ZNF385B: variants seen among roughly 807,000 people sequenced by gnomAD.
ZNF385B encodes the protein zinc finger protein 533.
In ZNF385B, 23 loss-of-function variants were observed where a neutral mutation model predicts 39.2. The observed-to-expected ratio is 0.59, with a 90% confidence interval of 0.42 to 0.83. ZNF385B has a LOEUF of 0.83. Ranked by LOEUF, ZNF385B falls within the 40% of genes least tolerant of loss-of-function variation. ZNF385B has a pLI of 0.00. For missense variants in ZNF385B, 552 were observed against 598.9 expected, an observed-to-expected ratio of 0.92 and a Z score of 0.82; for synonymous variants, 205 against 222.6, an observed-to-expected ratio of 0.92 and a Z score of 0.70.
chr2:179,764,495 T>C (rs1703579102), intron 3 of ZNF385B, among the ~76,000 whole-genome samples: 1 of 152,154 alleles, frequency 6.6e-6, no homozygotes. Flanking sequence ...CTTTCTGTTT[T>C]TTCCTTTGCT....
intron 3 of ZNF385B, among the ~76,000 whole-genome samples, chr2:179,745,231 C>T (rs1044925741): frequency 3.9e-5 from 6 of 152,106 alleles, no homozygotes; most frequent in African/African-American, 1.2e-4. Context: ...AAGTTGTCAA[C>T]TCCAGTATGT....
intron 4 of ZNF385B, among the ~76,000 whole-genome samples, chr2:179,521,055 T>A (rs917274355): frequency 1.3e-5 from 2 of 149,950 alleles, no homozygotes; most frequent in Admixed American, 1.4e-4. Context: ...AAGTTCTTAG[T>A]AGACTATTGT....
chr2:179,708,874 G>T (rs1257897933), intron 3 of ZNF385B, among the ~76,000 whole-genome samples: 1 of 152,156 alleles, frequency 6.6e-6, no homozygotes, highest in Non-Finnish European at 1.5e-5. Context: ...AAACAAAACA[G>T]CCCTGTATGG....
chr2:179,649,840 T>C lies in ZNF385B; in HGVS notation c.299-104871A>G, dbSNP rs550151217. On this transcript the variant is annotated intron_variant, in intron 3 of 9. Coordinates refer to ENST00000410066, the MANE Select transcript of ZNF385B (RefSeq NM_152520.6). ...TTCTAGATTCTTAAGTTTTACCATG[T>C]TACATTTTGCTTTAATTTGAAAAAA... is the stretch of plus-strand genomic sequence containing the variant. Among the ~76,000 whole-genome samples, 3 of 152,232 alleles carry C rather than the reference T, an allele frequency of 2.0e-5. No homozygotes were observed. The South Asian group carries it at 6.2e-4, about 32-fold the overall frequency.
At chr2:179,736,311 CT>C (rs1442489365) in intron 3 of ZNF385B, among the ~76,000 whole-genome samples, 5 of 151,890 alleles carry the variant, frequency 3.3e-5, no homozygotes, top group East Asian at 1.9e-4. Context: ...AATAATGGGA[CT>C]TTTTTTTCTC....
At chr2:179,748,269 T>C (rs1040108600) in intron 3 of ZNF385B, among the ~76,000 whole-genome samples, 12 of 151,902 alleles carry the variant, frequency 7.9e-5, no homozygotes, top group African/African-American at 2.7e-4. Flanking sequence ...TTAAAATGAC[T>C]GAATCAAAAA....
chr2:179,526,427 T>TA (rs879695720), intron 4 of ZNF385B, among the ~76,000 whole-genome samples: 214 of 143,736 alleles, frequency 1.5e-3, no homozygotes, highest in South Asian at 4.7e-3. Flanking sequence ...CTGTCTCTAC[T>TA]AAAAAAAAAA....
chr2:179,547,635 G>T (rs552893739), intron 3 of ZNF385B, among the ~76,000 whole-genome samples: 2 of 149,364 alleles, frequency 1.3e-5, no homozygotes, highest in Non-Finnish European at 3.0e-5. Context: ...AGAATAATTC[G>T]AAGTCAGGTA....
Position 179,709,368 on chromosome 2 carries a change from T to C in ZNF385B, c.298+60135A>G, listed in dbSNP as rs141963493. On this transcript the variant is annotated intron_variant, in intron 3 of 9. Coordinates refer to ENST00000410066, the MANE Select transcript of ZNF385B (RefSeq NM_152520.6). ...AAGGTATAGGCCTCCTTTAAGGGAC[T>C]CACCAGGTGGCCACTGCAATAGGAA... 6.1e-3 allele frequency among the ~76,000 whole-genome samples: 936 copies of C among 152,342 alleles called. 4 individuals carry two copies. The highest frequency in any genetic ancestry group is 0.012 in the Admixed American group (186 of 15,298).
At chr2:179,687,707 G>T (rs1037488675) in intron 3 of ZNF385B, among the ~76,000 whole-genome samples, 3 of 152,160 alleles carry the variant, frequency 2.0e-5, no homozygotes, top group Admixed American at 6.5e-5. Flanking sequence ...TGGCTCTGAA[G>T]CACACCATCT....
chr2:179,515,243 A>G (rs2058007621), intron 5 of ZNF385B, among the ~76,000 whole-genome samples: 2 of 152,214 alleles, frequency 1.3e-5, no homozygotes. Flanking sequence ...CTCTTCTTAA[A>G]TTAACTCTTC....
intron 3 of ZNF385B, among the ~76,000 whole-genome samples, chr2:179,629,514 T>A (rs1356064): frequency 6.6e-6 from 1 of 152,150 alleles, no homozygotes; most frequent in Non-Finnish European, 1.5e-5. Context: ...TAAACAATTT[T>A]TGGGGTACCC....
At chr2:179,762,681 G>A (rs371821197) in intron 3 of ZNF385B, among the ~76,000 whole-genome samples, 2 of 151,988 alleles carry the variant, frequency 1.3e-5, no homozygotes, top group African/African-American at 4.8e-5. Flanking sequence ...TGTCTGATTT[G>A]GGTATTAGGA....
At chr2:179,778,414 C>T (rs1051699818) in intron 1 of ZNF385B, among the ~76,000 whole-genome samples, 11 of 152,214 alleles carry the variant, frequency 7.2e-5, no homozygotes, top group African/African-American at 2.4e-4. Flanking sequence ...AGCAAGTCAA[C>T]AGCTGAGTCT....
chr2:179,812,494 A>C (rs2106568281), intron 1 of ZNF385B, among the ~76,000 whole-genome samples: 1 of 152,340 alleles, frequency 6.6e-6, no homozygotes, highest in South Asian at 2.1e-4. Flanking sequence ...TTTTGCCACA[A>C]TATGGATGCA....
intron 3 of ZNF385B, among the ~76,000 whole-genome samples, chr2:179,628,766 T>C (rs192478118): frequency 2.7e-4 from 41 of 152,324 alleles, no homozygotes; most frequent in Middle Eastern, 3.4e-3. Context: ...CTTCTCCATG[T>C]ATTGGCTGGA....
chr2:179,814,372 T>C (rs556299595), intron 1 of ZNF385B: 21 of 307,846 alleles, frequency 6.8e-5, no homozygotes, highest in African/African-American at 4.7e-4. Flanking sequence ...TGCATGAAAA[T>C]GGATAAGGTC....
chr2:179,614,369 C>G (rs1330712892), intron 3 of ZNF385B, among the ~76,000 whole-genome samples: 2 of 152,090 alleles, frequency 1.3e-5, no homozygotes, highest in African/African-American at 4.8e-5. Flanking sequence ...TGGAAGTGCT[C>G]TATAGATACT....
chr2:179,451,263 A>G (rs1183446338), intron 6 of ZNF385B, among the ~76,000 whole-genome samples: 5 of 151,626 alleles, frequency 3.3e-5, no homozygotes, highest in South Asian at 2.1e-4. Context: ...AAAAAAAAAA[A>G]AAAGAAAGAA....
Sources: gnomAD v4.1 joint callset for allele counts (sites outside exome capture counted in the v4.1 genomes callset) on GRCh38, gnomAD v4.1.1 for gene constraint, MANE v1.5 for transcripts, NCBI Gene and HGNC (gene_info 2026-07-23, HGNC 2026-07-21) for gene names.